SYT1: variants seen among roughly 807,000 people sequenced by gnomAD.
The protein encoded by SYT1 is synaptotagmin 1.
Under a neutral mutation model 44.8 loss-of-function variants are expected in SYT1, and 8 were observed. That is an observed-to-expected ratio of 0.18 (90% CI 0.10 to 0.32). The LOEUF (loss-of-function observed/expected upper bound fraction) is 0.32. SYT1 is among the 10% of genes least tolerant of loss of function. The pLI is 1.00. For synonymous variants in SYT1, 154 were observed against 188.8 expected, an observed-to-expected ratio of 0.82 and a Z score of 1.51; for missense variants, 286 against 509.3, an observed-to-expected ratio of 0.56 and a Z score of 4.22.
intron 3 of SYT1, among the ~76,000 whole-genome samples, chr12:79,104,155 A>ATT (rs199824840): frequency 0.024 from 3,553 of 146,306 alleles, 109 homozygotes; most frequent in South Asian, 0.11. Flanking sequence ...AATGGAGTCA[A>ATT]TTTTTTTTTT....
intron 9 of SYT1, among the ~76,000 whole-genome samples, chr12:79,379,502 C>T (rs1191743084): frequency 2.6e-5 from 4 of 152,124 alleles, no homozygotes; most frequent in Non-Finnish European, 4.4e-5. Context: ...CACAATAATA[C>T]ACGAAATCCA....
intron 3 of SYT1, among the ~76,000 whole-genome samples, chr12:79,070,509 AT>A (rs2137896274): frequency 6.6e-6 from 1 of 152,098 alleles, no homozygotes; most frequent in Admixed American, 6.6e-5. Flanking sequence ...TTGTGAATCC[AT>A]GTTGTGGCTA....
At chr12:79,019,648 A>T (rs1258538427) in intron 2 of SYT1, among the ~76,000 whole-genome samples, 2 of 151,942 alleles carry the variant, frequency 1.3e-5, no homozygotes, top group Non-Finnish European at 2.9e-5. Flanking sequence ...GAAAAATGAC[A>T]TTGGACTGGG....
chr12:79,290,217 A>G (rs1293192713), intron 5 of SYT1, among the ~76,000 whole-genome samples: 2 of 152,218 alleles, frequency 1.3e-5, no homozygotes, highest in Non-Finnish European at 2.9e-5. Flanking sequence ...CAACAGCTCA[A>G]TTCTGTTTAT....
intron 9 of SYT1, among the ~76,000 whole-genome samples, chr12:79,406,129 A>G (rs1464919397): frequency 6.6e-6 from 1 of 152,176 alleles, no homozygotes; most frequent in Non-Finnish European, 1.5e-5. Context: ...TCATAAGAAC[A>G]AGAAGGTCTA....
chr12:78,947,129 C>T (rs1344048338), intron 1 of SYT1, among the ~76,000 whole-genome samples: 2 of 152,144 alleles, frequency 1.3e-5, no homozygotes, highest in Non-Finnish European at 2.9e-5. Flanking sequence ...TTTTTAAAAG[C>T]TATTCCCAAA....
intron 4 of SYT1, among the ~76,000 whole-genome samples, chr12:79,270,974 G>A (rs1878391189): frequency 1.3e-5 from 2 of 152,196 alleles, no homozygotes; most frequent in African/African-American, 4.8e-5. Flanking sequence ...TTAGCCATAG[G>A]GCACATTGTA....
intron 9 of SYT1, among the ~76,000 whole-genome samples, chr12:79,427,312 C>T (rs1231915441): frequency 6.6e-6 from 1 of 152,138 alleles, no homozygotes; most frequent in Admixed American, 6.5e-5. Flanking sequence ...TAAATTATGC[C>T]ATTTAAGATT....
intron 8 of SYT1, among the ~76,000 whole-genome samples, chr12:79,329,650 G>A (rs1881768751): frequency 6.6e-6 from 1 of 151,988 alleles, no homozygotes; most frequent in South Asian, 2.1e-4. Flanking sequence ...TATACAATAG[G>A]AAACAAGCTT....
At chr12:79,198,266 G>A (rs549275745) in intron 3 of SYT1, among the ~76,000 whole-genome samples, 3 of 151,928 alleles carry the variant, frequency 2.0e-5, no homozygotes, top group Non-Finnish European at 2.9e-5. Flanking sequence ...GAGGACCAGG[G>A]GAAAAATTCA....
chr12:79,356,783 T>A (rs1015631941), intron 9 of SYT1, among the ~76,000 whole-genome samples: 5 of 152,214 alleles, frequency 3.3e-5, no homozygotes, highest in African/African-American at 1.2e-4. Context: ...ATGAGAGGAC[T>A]TTGTTGATGA....
chr12:79,100,641 T>C (rs949200253), intron 3 of SYT1, among the ~76,000 whole-genome samples: 2 of 152,182 alleles, frequency 1.3e-5, no homozygotes, highest in Non-Finnish European at 2.9e-5. Flanking sequence ...GTTTTCTCTA[T>C]TTTCCAAATT....
At chr12:78,935,069 G>A (rs1416145455) in intron 1 of SYT1, among the ~76,000 whole-genome samples, 1 of 152,142 alleles carries the variant, frequency 6.6e-6, no homozygotes, top group African/African-American at 2.4e-5. Context: ...GACTAAAATT[G>A]AAATTTTATA....
chr12:78,958,970 A>T (rs1028764201), intron 1 of SYT1, among the ~76,000 whole-genome samples: 3 of 152,168 alleles, frequency 2.0e-5, no homozygotes, highest in Non-Finnish European at 4.4e-5. Context: ...TCAGCAAATT[A>T]TTCAGTCAAT....
At chr12:79,410,115 C>T (rs899900187) in intron 9 of SYT1, among the ~76,000 whole-genome samples, 6 of 152,022 alleles carry the variant, frequency 3.9e-5, no homozygotes, top group Admixed American at 1.3e-4. Flanking sequence ...AGGTTTGAAT[C>T]CCTGAAGCAC....
intron 2 of SYT1, among the ~76,000 whole-genome samples, chr12:79,015,817 G>T (rs1006771013): frequency 7.9e-5 from 12 of 152,024 alleles, no homozygotes; most frequent in African/African-American, 2.9e-4. Flanking sequence ...AATGTATTCT[G>T]CTAGTGTTTA....
At chr12:78,980,739 C>T (rs899346038) in intron 2 of SYT1, among the ~76,000 whole-genome samples, 4 of 151,904 alleles carry the variant, frequency 2.6e-5, no homozygotes, top group African/African-American at 7.3e-5. Flanking sequence ...ACTATATGAT[C>T]GTCAAAATTA....
intron 3 of SYT1, among the ~76,000 whole-genome samples, chr12:79,097,680 G>A (rs1878217211): frequency 6.6e-6 from 1 of 151,984 alleles, no homozygotes; most frequent in Non-Finnish European, 1.5e-5. Flanking sequence ...CAAGAAATAA[G>A]CAGTCCTATT....
intron 8 of SYT1, among the ~76,000 whole-genome samples, chr12:79,336,776 C>G (rs1882109440): frequency 6.6e-6 from 1 of 152,176 alleles, no homozygotes; most frequent in Non-Finnish European, 1.5e-5. Flanking sequence ...ATGACCGGTG[C>G]ACACCACCAT....
Sources: gnomAD v4.1 joint callset for allele counts (sites outside exome capture counted in the v4.1 genomes callset) on GRCh38, gnomAD v4.1.1 for gene constraint, MANE v1.5 for transcripts, NCBI Gene and HGNC (gene_info 2026-07-23, HGNC 2026-07-21) for gene names.